The following KIF1B variants were observed in gnomAD, a reference collection of about 807,000 sequenced individuals.
KIF1B encodes kinesin family member 1B, also known as kinesin-like protein KIF1B.
A neutral mutation model predicts 241.9 loss-of-function variants in KIF1B; 76 were observed. The observed-to-expected ratio is 0.31, with a 90% CI of 0.26 to 0.38. The LOEUF is 0.38. KIF1B is among the 10% of genes least tolerant of loss of function. The pLI, the probability that KIF1B is intolerant of heterozygous loss-of-function variation, is 1.00. For synonymous variants in KIF1B, 750 were observed against 796.7 expected, an observed-to-expected ratio of 0.94 and a Z score of 0.99; for missense variants, 1,622 against 2,271.4, an observed-to-expected ratio of 0.71 and a Z score of 5.81.
At chr1:10,357,455 T>C (rs1197320381) in intron 38 of KIF1B, among the ~76,000 whole-genome samples, 2 of 152,188 alleles carry the variant, frequency 1.3e-5, no homozygotes, top group African/African-American at 2.4e-5. Flanking sequence ...TCTCAAGAAT[T>C]GCCAGTGTAA....
At chr1:10,293,000 G>A (rs1257584851) in intron 17 of KIF1B, among the ~76,000 whole-genome samples, 3 of 151,822 alleles carry the variant, frequency 2.0e-5, no homozygotes, top group Admixed American at 2.0e-4. Flanking sequence ...GGTGAGTTTT[G>A]AATTGGTACT....
chr1:10,336,891 G>A, intron 29 of KIF1B, 149 bp downstream of exon 29: 2 of 1,081,438 alleles, frequency 1.8e-6, no homozygotes, highest in South Asian at 2.6e-5. Flanking sequence ...TAACAATTAT[G>A]AAGGTAAAGG....
At chr1:10,264,518 G>C (rs1332278786) in intron 5 of KIF1B, among the ~76,000 whole-genome samples, 1 of 152,166 alleles carries the variant, frequency 6.6e-6, no homozygotes, top group Admixed American at 6.5e-5. Flanking sequence ...AATATATTCC[G>C]GGGATTCAGT....
At position 10,267,615 on chromosome 1, in the gene KIF1B, T is replaced by C. The variant is rs945358521; in HGVS notation, c.608+57T>C. ...CTTTGGCACCTTTTGAGGTCCTTTT[T>C]TCCCAGTTAAGGGTTTGAGGCCACA... On this transcript the variant is annotated intron_variant, in intron 6 of 48. Coordinates refer to ENST00000676179, the MANE Select transcript of KIF1B (RefSeq NM_001365951.3). 47 of 1,569,438 alleles carry C rather than the reference T, an allele frequency of 3.0e-5. No homozygotes were observed. The African/African-American group carries it at 6.1e-4, about 20-fold the overall frequency.
intron 38 of KIF1B, 25 bp downstream of exon 38, chr1:10,352,761 G>T (rs745913674): frequency 2.8e-5 from 43 of 1,540,544 alleles, no homozygotes; most frequent in Non-Finnish European, 3.9e-5. Flanking sequence ...GCAGTGTGAA[G>T]AAGTCCACAC....
At chr1:10,333,309 G>T (rs1308138423) in intron 27 of KIF1B, among the ~76,000 whole-genome samples, 1 of 151,592 alleles carries the variant, frequency 6.6e-6, no homozygotes, top group Non-Finnish European at 1.5e-5. Flanking sequence ...GATAGAGTTT[G>T]CAGTGAGCTG....
intron 22 of KIF1B, among the ~76,000 whole-genome samples, chr1:10,315,038 G>A (rs991504088): frequency 1.3e-5 from 2 of 149,944 alleles, no homozygotes; most frequent in South Asian, 2.1e-4. Flanking sequence ...AAACAGAGAA[G>A]CTGAAAAAAA....
rs746087314 is a variant in KIF1B, at chr1:10,232,376, T to C, written c.48T>C (p.Asn16=). The change falls in exon 2 of 49, where the codon AAT becomes AAC. Residue 16 remains asparagine, a synonymous_variant. Transcript: ENST00000676179. The stretch of plus-strand genomic sequence containing the variant: ...TGGCTGTCCGGGTAAGGCCCTTCAA[T>C]TCTCGAGAGACCAGCAAGGAATCCA... ...VKVAVRVRPF[N]SRETSKESKC... The C allele has an allele frequency of 1.3e-5, 21 of 1,613,988 alleles. No homozygotes were observed.
At chr1:10,321,926 C>T (rs1651540396) in intron 24 of KIF1B, 69 bp downstream of exon 24, 3 of 1,567,084 alleles carry the variant, frequency 1.9e-6, no homozygotes, top group Non-Finnish European at 2.6e-6. Flanking sequence ...TCTGGGTTCT[C>T]ACCTTGAATT....
At chr1:10,367,700 C>T (rs1638614990) in intron 43 of KIF1B, among the ~76,000 whole-genome samples, 1 of 150,358 alleles carries the variant, frequency 6.7e-6, no homozygotes, top group African/African-American at 2.4e-5. Context: ...ATGCCCAGCT[C>T]ATTTTTTGTA....
chr1:10,236,278 A>G (rs1647050562), intron 2 of KIF1B, among the ~76,000 whole-genome samples: 2 of 141,054 alleles, frequency 1.4e-5, no homozygotes, highest in Admixed American at 1.4e-4. Context: ...TCCCAAAACA[A>G]CAACAACAAC....
chr1:10,213,736 T>G (rs567781548), intron 1 of KIF1B, among the ~76,000 whole-genome samples: 1 of 152,340 alleles, frequency 6.6e-6, no homozygotes, highest in East Asian at 1.9e-4. Context: ...ATCTGGATTC[T>G]GTGAAACAGT....
Position 10,367,853 on chromosome 1 carries a change from C to T in KIF1B, c.4753-614C>T, listed in dbSNP as rs370955633. Among the ~76,000 whole-genome samples, 16 of 151,990 alleles carry T rather than the reference C, an allele frequency of 1.1e-4. 1 individual carries two copies. The highest frequency in any genetic ancestry group is 8.3e-4 in the South Asian group (4 of 4,800). ...AAGTGATTCTCCTTCCTCAGCCTCC[C>T]GAGTAGCTGGGATTACAGGTGCCCA... On this transcript the variant is annotated intron_variant, in intron 43 of 48. Coordinates refer to ENST00000676179, the MANE Select transcript of KIF1B (RefSeq NM_001365951.3).
chr1:10,300,023 G>A lies in KIF1B; in HGVS notation c.2115+2777G>A, dbSNP rs1432835856. On this transcript the variant is annotated intron_variant, in intron 22 of 48. Coordinates refer to ENST00000676179, the MANE Select transcript of KIF1B (RefSeq NM_001365951.3). ...AGGCCAGGGCTGGCAGATCACTTGA[G>A]GTCAGGAGTTCGAGACCAGCCTGGC... Among the ~76,000 whole-genome samples, 3 of 151,922 alleles carry A rather than the reference G, an allele frequency of 2.0e-5. No individual in the cohort carries two copies. In the South Asian group the frequency reaches 6.2e-4, roughly 32 times the overall value.
rs537445846 is a variant in KIF1B at position 10,307,826 on chromosome 1, G to A, written c.2115+10580G>A. On this transcript the variant is annotated intron_variant, in intron 22 of 48. Coordinates refer to ENST00000676179, the MANE Select transcript of KIF1B (RefSeq NM_001365951.3). Reference sequence around the variant, plus strand: ...ATTAATTGGTATAATTTCACAAAGCGGAATGGTATTCCTTGGAGAGTTAAA... The same window carrying A: ...ATTAATTGGTATAATTTCACAAAGCAGAATGGTATTCCTTGGAGAGTTAAA... 6.4e-5 allele frequency: 67 copies of A among 1,041,274 alleles called. No individual in the cohort carries two copies. The African/African-American group carries it at 7.0e-4, about 11-fold the overall frequency. 64.5% of individuals were successfully genotyped at this position (1,041,274 alleles called of 1,614,324 possible).
chr1:10,369,434 G>T (rs1638664449), intron 44 of KIF1B, among the ~76,000 whole-genome samples: 1 of 152,180 alleles, frequency 6.6e-6, no homozygotes, highest in Non-Finnish European at 1.5e-5. Context: ...GTTGAGACCA[G>T]CCTGGGCAAT....
chr1:10,226,412 A>G (rs1209736691), intron 1 of KIF1B, among the ~76,000 whole-genome samples: 1 of 152,230 alleles, frequency 6.6e-6, no homozygotes, highest in African/African-American at 2.4e-5. Flanking sequence ...GTTTTGGTTC[A>G]TAGTTACAAA....
At chr1:10,229,792 C>T (rs1423345188) in intron 1 of KIF1B, among the ~76,000 whole-genome samples, 1 of 129,884 alleles carries the variant, frequency 7.7e-6, no homozygotes, top group Non-Finnish European at 1.6e-5. Flanking sequence ...ACCTGGGAGG[C>T]GGAGTTTGCA....
chr1:10,258,330 A>G (rs1647920370), intron 3 of KIF1B, among the ~76,000 whole-genome samples, 163 bp from the exon 4 acceptor site: 2 of 152,158 alleles, frequency 1.3e-5, no homozygotes, highest in African/African-American at 2.4e-5. Context: ...ATGTGCGTGT[A>G]TTTAATGAGA....
Sources: gnomAD v4.1 joint callset for allele counts (sites outside exome capture counted in the v4.1 genomes callset) on GRCh38, gnomAD v4.1.1 for gene constraint, MANE v1.5 for transcripts, NCBI Gene and HGNC (gene_info 2026-07-23, HGNC 2026-07-21) for gene names.